The following COL3A1 variants were observed in gnomAD, a reference collection of about 807,000 sequenced individuals.
The protein encoded by COL3A1 is collagen type III alpha 1 chain.
A neutral mutation model predicts 200.9 loss-of-function variants in COL3A1; 46 were observed. The ratio of observed to expected loss-of-function variants is 0.23; its 90% CI spans 0.18 to 0.29. COL3A1 has a LOEUF of 0.29. COL3A1 is among the 10% of genes least tolerant of loss of function. The pLI is 1.00. For missense variants in COL3A1, 1,367 were observed against 1,917.6 expected (o/e 0.71, Z 5.36); for synonymous variants, 650 against 628.0 (o/e 1.03, Z -0.52).
chr2:188,998,382 A>G (rs1688376391), intron 28 of COL3A1, 63 bp downstream of exon 28: 4 of 1,375,756 alleles, frequency 2.9e-6, no homozygotes, highest in African/African-American at 1.4e-5. Context: ...TTGTTTGTCA[A>G]CTATTAACTT....
intron 10 of COL3A1, among the ~76,000 whole-genome samples, chr2:188,990,717 C>T (rs1227498551): frequency 1.3e-5 from 2 of 152,160 alleles, no homozygotes. Flanking sequence ...ACTGTGCCTA[C>T]AACCTATCAA....
chr2:188,996,756 A>C, intron 24 of COL3A1, among the ~76,000 whole-genome samples: 1 of 152,194 alleles, frequency 6.6e-6, no homozygotes, highest in East Asian at 1.9e-4. Context: ...TGGGAGGCCA[A>C]GGCAGGCAGA....
At chr2:188,992,986 A>G (rs1688220077) in intron 15 of COL3A1, 46 bp downstream of exon 15, 2 of 1,572,488 alleles carry the variant, frequency 1.3e-6, no homozygotes, top group South Asian at 2.2e-5. Flanking sequence ...TCTTGGAGGC[A>G]AGAGAAAAGC....
At chr2:188,997,069 TGAGACA>T (rs2153502766) in intron 24 of COL3A1, 90 bp from the exon 25 acceptor site, 1 of 791,732 alleles carries the variant, frequency 1.3e-6, no homozygotes, top group African/African-American at 1.8e-5. Flanking sequence ...CATATATATA[TGAGACA>T]TATATATATG....
chr2:189,002,724 C>T (rs889000636), intron 35 of COL3A1, among the ~76,000 whole-genome samples: 1 of 152,198 alleles, frequency 6.6e-6, no homozygotes, highest in Non-Finnish European at 1.5e-5. Flanking sequence ...GAGACACTTC[C>T]TCCCTCCCTA....
rs544202952 is a variant in COL3A1, at chr2:188,980,668, A to G, written c.80-4092A>G. Among the ~76,000 whole-genome samples, 13 of 151,044 alleles carry G rather than the reference A, an allele frequency of 8.6e-5. No homozygotes were observed. In the South Asian group the frequency reaches 1.0e-3, roughly 12 times the overall value. The stretch of plus-strand genomic sequence containing the variant: ...TTTAAATTAAAATTATTCACCTAGA[A>G]TGTCTACAGATACTTTCTTCAGAGT... On this transcript the variant is annotated intron_variant, in intron 1 of 50. Coordinates refer to ENST00000304636, the MANE Select transcript of COL3A1 (RefSeq NM_000090.4).
chr2:188,999,446 T>G, intron 30 of COL3A1, 24 bp from the exon 31 acceptor site: 1 of 1,614,040 alleles, frequency 6.2e-7, no homozygotes, highest in Non-Finnish European at 8.5e-7. Flanking sequence ...TTCTGATCAT[T>G]TATTATTTCT....
chr2:188,978,469 T>G (rs769774520), intron 1 of COL3A1, among the ~76,000 whole-genome samples: 3 of 151,944 alleles, frequency 2.0e-5, no homozygotes, highest in Admixed American at 6.6e-5. Flanking sequence ...CTACCGAAAC[T>G]CCACAGTTTC....
intron 13 of COL3A1, 42 bp downstream of exon 13, chr2:188,991,764 G>GT: frequency 6.2e-7 from 1 of 1,605,662 alleles, no homozygotes; most frequent in South Asian, 1.1e-5. Context: ...AACCCAAAGT[G>GT]ACAGATTTTT....
chr2:188,988,032 T>C lies in COL3A1; in HGVS notation c.529-49T>C, dbSNP rs1247242668. On this transcript the variant is annotated intron_variant, in intron 5 of 50. Transcript: ENST00000304636. ...TCATTGCTTTGAAGCATGGATAAAG[T>C]GTATTTTGCATTCATTTATTTTGTT... The C allele has an allele frequency of 3.7e-6, 5 of 1,360,080 alleles. No individual in the cohort carries two copies. In the South Asian group the frequency reaches 5.8e-5, roughly 16 times the overall value. The allele number at this position is 1,360,080 out of a possible 1,614,324, so 84.3% of individuals were successfully genotyped here.
rs549398086 is a variant in COL3A1 at position 189,003,593 on chromosome 2, T to G, written c.2607+129T>G. The G allele has an allele frequency of 4.6e-6, 6 of 1,317,374 alleles. No homozygotes were observed. In the African/African-American group the frequency reaches 7.3e-5, roughly 16 times the overall value. 81.6% of individuals were successfully genotyped at this position (1,317,374 alleles called of 1,614,324 possible). A position where few individuals can be genotyped will look rare whatever the true frequency, so the allele number is the denominator to read the frequency against. ...TGTAATCGCTCATTCATACATGAGT[T>G]ATATGTAAATTCCAAGGGGAAACAC... On this transcript the variant is annotated intron_variant, in intron 37 of 50. Transcript: ENST00000304636.
intron 1 of COL3A1, among the ~76,000 whole-genome samples, chr2:188,977,842 G>A (rs971489228): frequency 1.3e-5 from 2 of 151,954 alleles, no homozygotes; most frequent in Non-Finnish European, 2.9e-5. Context: ...AAAAAGAATA[G>A]GTATTTTTCT....
At chr2:188,998,136 C>T (rs764923997) in intron 27 of COL3A1, 130 bp from the exon 28 acceptor site, 5 of 797,778 alleles carry the variant, frequency 6.3e-6, no homozygotes, top group Admixed American at 2.2e-5. Flanking sequence ...TTGAGTGGCA[C>T]AACGTTTCTA....
At chr2:189,007,666 G>A in intron 45 of COL3A1, 59 bp downstream of exon 45, 3 of 1,448,512 alleles carry the variant, frequency 2.1e-6, no homozygotes, top group Non-Finnish European at 2.9e-6. Context: ...TAGAGATTAA[G>A]AGAAGAAAGC....
In COL3A1 at chr2:188,988,103, C is replaced by T; in HGVS notation, c.551C>T (p.Pro184Leu). 6.2e-7 allele frequency: 1 copy of T among 1,612,940 alleles called. No homozygotes were observed. The highest frequency in any genetic ancestry group is 8.5e-7 in the Non-Finnish European group (1 of 1,179,162). ...GPAGPPGPPG[P>L]PGTSGHPGSP... The stretch of plus-strand genomic sequence containing the variant: ...CAGGGCCCCCCAGGCCCTCCCGGTC[C>T]CCCTGGTACATCTGGTCATCCTGGT... Residue 184 changes from proline to leucine, a missense_variant, in exon 6 of 51, where the codon CCC becomes CTC. Physicochemically the swap from Pro to Leu is moderately conservative, Grantham distance 98 (BLOSUM62 -3). Around this residue, in one of 5 missense-constraint regions of COL3A1, gnomAD observed 462 missense variants for 681.4 expected, o/e 0.68. Coordinates refer to ENST00000304636, the MANE Select transcript of COL3A1 (RefSeq NM_000090.4).
intron 5 of COL3A1, 139 bp from the exon 6 acceptor site, chr2:188,987,942 G>T: frequency 1.4e-6 from 1 of 706,606 alleles, no homozygotes; most frequent in Non-Finnish European, 2.6e-6. Context: ...TAGATCTCAT[G>T]AATAGTTATC....
chr2:188,981,222 T>G (rs1687946408), intron 1 of COL3A1, among the ~76,000 whole-genome samples: 1 of 151,556 alleles, frequency 6.6e-6, no homozygotes, highest in Non-Finnish European at 1.5e-5. Context: ...GGCTTTATTT[T>G]TCTCTAAAAT....
intron 4 of COL3A1, among the ~76,000 whole-genome samples, chr2:188,986,495 AT>A (rs1490983841): frequency 2.6e-5 from 4 of 152,078 alleles, no homozygotes; most frequent in Non-Finnish European, 5.9e-5. Context: ...GGAACTTAGA[AT>A]TTAAAAAAAG....
intron 32 of COL3A1, among the ~76,000 whole-genome samples, chr2:189,000,226 T>C (rs759186280): frequency 6.6e-6 from 1 of 152,186 alleles, no homozygotes; most frequent in South Asian, 2.1e-4. Flanking sequence ...AAATTCAATA[T>C]AGTAAGTACT....
Sources: gnomAD v4.1 joint callset for allele counts (sites outside exome capture counted in the v4.1 genomes callset) on GRCh38, gnomAD v4.1.1 for gene constraint, gnomAD v4.1.1 regional missense constraint, MANE v1.5 for transcripts, NCBI Gene and HGNC (gene_info 2026-07-23, HGNC 2026-07-21) for gene names.